Variants in PITPNC1 observed in about 807,000 individuals in gnomAD.
PITPNC1 encodes phosphatidylinositol transfer protein cytoplasmic 1.
PITPNC1 carries 18 observed loss-of-function variants against 44.7 expected under a neutral mutation model. The observed-to-expected ratio is 0.40, with a 90% CI of 0.28 to 0.60. The LOEUF (loss-of-function observed/expected upper bound fraction) is 0.60. Among genes scored for constraint, PITPNC1 ranks in the 20% least tolerant of loss-of-function variants. The pLI is 0.39. For missense variants in PITPNC1, 290 were observed against 418.4 expected (o/e 0.69, Z 2.68); for synonymous variants, 141 against 149.6 (o/e 0.94, Z 0.42).
intron 5 of PITPNC1, among the ~76,000 whole-genome samples, chr17:67,583,087 C>T (rs1183568613): frequency 6.6e-6 from 1 of 152,146 alleles, no homozygotes; most frequent in Non-Finnish European, 1.5e-5. Context: ...TTTAATGGGT[C>T]CTGGGCGCAG....
At chr17:67,434,869 G>A (rs1425033047) in intron 1 of PITPNC1, among the ~76,000 whole-genome samples, 4 of 151,566 alleles carry the variant, frequency 2.6e-5, no homozygotes, top group African/African-American at 9.7e-5. Flanking sequence ...AACACTTTGG[G>A]AGGCTGAGGT....
At chr17:67,532,987 C>A in intron 2 of PITPNC1, 37 bp downstream of exon 2, 1 of 1,565,570 alleles carries the variant, frequency 6.4e-7, no homozygotes, top group Non-Finnish European at 8.7e-7. Flanking sequence ...ACAGAAGCCC[C>A]CTCCCACCTG....
At chr17:67,675,595 C>G in intron 8 of PITPNC1, 53 bp downstream of exon 8, 1 of 1,267,760 alleles carries the variant, frequency 7.9e-7, no homozygotes, top group Non-Finnish European at 1.2e-6. Flanking sequence ...TTGTCTCGGG[C>G]TTTCTGTCCA....
chr17:67,444,494 C>T (rs992599723), intron 1 of PITPNC1, among the ~76,000 whole-genome samples: 1 of 152,030 alleles, frequency 6.6e-6, no homozygotes. Flanking sequence ...GGCAATGGGA[C>T]AGACTGGAGA....
chr17:67,663,351 C>T (rs917915498), intron 6 of PITPNC1, among the ~76,000 whole-genome samples: 3 of 151,936 alleles, frequency 2.0e-5, no homozygotes, highest in Non-Finnish European at 4.4e-5. Context: ...GGGTGGATCA[C>T]GAGGTCAGGA....
At chr17:67,504,176 C>T (rs775068317) in intron 1 of PITPNC1, among the ~76,000 whole-genome samples, 1 of 151,904 alleles carries the variant, frequency 6.6e-6, no homozygotes, top group African/African-American at 2.4e-5. Context: ...TTTCTGAGCC[C>T]CAACATCTCC....
intron 1 of PITPNC1, among the ~76,000 whole-genome samples, chr17:67,474,148 C>G (rs928843955): frequency 6.6e-6 from 1 of 151,888 alleles, no homozygotes; most frequent in Non-Finnish European, 1.5e-5. Context: ...GAGCGAAGTT[C>G]CTAGGAAGGT....
chr17:67,451,024 G>A (rs776443649), intron 1 of PITPNC1, among the ~76,000 whole-genome samples: 2 of 152,028 alleles, frequency 1.3e-5, no homozygotes, highest in African/African-American at 2.4e-5. Context: ...GCCCATATCA[G>A]AATCTAATTT....
chr17:67,425,262 CAGAG>C lies in PITPNC1; in HGVS notation c.48+47061_48+47064del, dbSNP rs1377015497. Among the ~76,000 whole-genome samples, 617 of 116,358 alleles carry C rather than the reference CAGAG, an allele frequency of 5.3e-3. 9 individuals carry two copies. The highest frequency in any genetic ancestry group is 0.016 in the Middle Eastern group (3 of 186). The allele number at this position is 116,358 out of a possible 152,430, so 76.3% of individuals were successfully genotyped here. ...ACACACACACACACACACACACACA[CAGAG>C]GGAGAGAGAGAGAGAAATGACCTCT... On this transcript the variant is annotated intron_variant, in intron 1 of 8. Transcript: ENST00000581322.
chr17:67,583,951 G>A (rs1229967697), intron 5 of PITPNC1, among the ~76,000 whole-genome samples: 1 of 150,998 alleles, frequency 6.6e-6, no homozygotes, highest in East Asian at 2.0e-4. Context: ...GTGTTAGCCA[G>A]GATGGTCTCG....
intron 1 of PITPNC1, among the ~76,000 whole-genome samples, chr17:67,385,522 G>A (rs1416368842): frequency 1.3e-5 from 2 of 150,174 alleles, no homozygotes; most frequent in Middle Eastern, 3.5e-3. Flanking sequence ...GGCTGTGGAA[G>A]CTTTGCTCTT....
At chr17:67,412,021 A>G (rs931965455) in intron 1 of PITPNC1, among the ~76,000 whole-genome samples, 1 of 152,092 alleles carries the variant, frequency 6.6e-6, no homozygotes, top group African/African-American at 2.4e-5. Flanking sequence ...TTGGTTTCTA[A>G]TCTTCATTTC....
chr17:67,646,477 C>G (rs772303161), intron 6 of PITPNC1, among the ~76,000 whole-genome samples: 1 of 152,202 alleles, frequency 6.6e-6, no homozygotes. Context: ...ACGAAAATTT[C>G]TCACAAAATT....
chr17:67,553,712 T>C, intron 4 of PITPNC1, 95 bp downstream of exon 4: 1 of 485,614 alleles, frequency 2.1e-6, no homozygotes, highest in Non-Finnish European at 3.7e-6. Context: ...ATGTAATAAT[T>C]AAAAAGGGGA....
At chr17:67,570,329 G>A (rs1306024051) in intron 4 of PITPNC1, among the ~76,000 whole-genome samples, 3 of 152,348 alleles carry the variant, frequency 2.0e-5, no homozygotes, top group East Asian at 3.9e-4. Context: ...CCTGGGACAC[G>A]TGGTGACATT....
intron 1 of PITPNC1, among the ~76,000 whole-genome samples, chr17:67,441,011 T>C (rs757469135): frequency 2.0e-4 from 31 of 152,118 alleles, no homozygotes; most frequent in Non-Finnish European, 4.4e-4. Context: ...AGTACCTAAG[T>C]GTATCAGTCT....
chr17:67,496,765 G>A (rs1250584654), intron 1 of PITPNC1, among the ~76,000 whole-genome samples: 1 of 152,130 alleles, frequency 6.6e-6, no homozygotes, highest in Admixed American at 6.5e-5. Flanking sequence ...GAATAGAAAT[G>A]AGAAGGTTGA....
At chr17:67,685,228 C>T (rs967519695) in intron 8 of PITPNC1, among the ~76,000 whole-genome samples, 1 of 152,190 alleles carries the variant, frequency 6.6e-6, no homozygotes, top group Non-Finnish European at 1.5e-5. Context: ...TTGGTTACCT[C>T]GATTTTCTAA....
At chr17:67,497,882 A>G (rs1200468718) in intron 1 of PITPNC1, among the ~76,000 whole-genome samples, 1 of 136,552 alleles carries the variant, frequency 7.3e-6, no homozygotes, top group African/African-American at 2.8e-5. Context: ...TTTTTTCAAG[A>G]TGGAGTCTCA....
Sources: gnomAD v4.1 joint callset for allele counts (sites outside exome capture counted in the v4.1 genomes callset) on GRCh38, gnomAD v4.1.1 for gene constraint, MANE v1.5 for transcripts, NCBI Gene and HGNC (gene_info 2026-07-23, HGNC 2026-07-21) for gene names.